Variants in DGKH observed in about 807,000 individuals in gnomAD.
DGKH encodes the protein DAG kinase eta.
A neutral mutation model predicts 159.3 loss-of-function variants in DGKH; 90 were observed. The observed-to-expected ratio is 0.57, with a 90% CI of 0.48 to 0.67. DGKH has a LOEUF of 0.67. DGKH is among the 30% of genes least tolerant of loss of function. The pLI is 0.00. For missense variants in DGKH, 1,181 were observed against 1,506.1 expected (o/e 0.78, Z 3.57); for synonymous variants, 536 against 553.8 (o/e 0.97, Z 0.45).
At chr13:42,137,751 G>A (rs1488525395) in intron 3 of DGKH, among the ~76,000 whole-genome samples, 1 of 152,156 alleles carries the variant, frequency 6.6e-6, no homozygotes, top group Non-Finnish European at 1.5e-5. Context: ...GTTGACTAAA[G>A]AGCTCACAGA....
intron 23 of DGKH, 33 bp from the exon 24 acceptor site, chr13:42,210,569 C>G: frequency 6.3e-7 from 1 of 1,597,350 alleles, no homozygotes; most frequent in Non-Finnish European, 8.5e-7. Flanking sequence ...GAGTTCTAAA[C>G]TAACAATTCG....
In DGKH at chr13:42,141,029, C is replaced by CATTAACTCGTCATT. The variant is rs1555264853; in HGVS notation, c.384+11397_384+11398insATTAACTCGTCATT. The stretch of plus-strand genomic sequence containing the variant: ...ATGTGCCATGTTGGTGTGCTGAACC[C>CATTAACTCGTCATT]TCCTAATGCTATCCCTCCCCCCTCC... On this transcript the variant is annotated intron_variant, in intron 3 of 29. Coordinates refer to ENST00000337343, the MANE Select transcript of DGKH (RefSeq NM_178009.5). 1.2e-3 allele frequency among the ~76,000 whole-genome samples: 62 copies of CATTAACTCGTCATT among 52,130 alleles called. 8 individuals carry two copies. The highest frequency in any genetic ancestry group is 1.6e-3 in the African/African-American group (28 of 17,996). 34.2% of individuals were successfully genotyped at this position (52,130 alleles called of 152,430 possible). A position where few individuals can be genotyped will look rare whatever the true frequency, so the allele number is the denominator to read the frequency against.
intron 3 of DGKH, among the ~76,000 whole-genome samples, chr13:42,134,009 C>A (rs759553975): frequency 2.0e-5 from 3 of 152,252 alleles, no homozygotes; most frequent in East Asian, 1.9e-4. Context: ...TGGCCAAATT[C>A]GACTTCATTT....
At chr13:42,088,717 GAA>G (rs1024965420) in intron 1 of DGKH, among the ~76,000 whole-genome samples, 1 of 152,032 alleles carries the variant, frequency 6.6e-6, no homozygotes, top group Non-Finnish European at 1.5e-5. Flanking sequence ...AAAAAAGAAA[GAA>G]GAGATGAGAC....
chr13:42,189,060 GAAC>G lies in DGKH; in HGVS notation c.1667_1669del (p.Gln556del). ...GTGTTCAGTCCTAAACGAGAAGCTC[GAAC>G]AACTGCTGCAGGCTTTGCACACAGA... On this transcript the variant is annotated inframe_deletion, in exon 15 of 30. Transcript: ENST00000337343. 1 of 1,614,126 alleles carries G rather than the reference GAAC, an allele frequency of 6.2e-7. No individual in the cohort carries two copies. The highest frequency in any genetic ancestry group is 8.5e-7 in the Non-Finnish European group (1 of 1,180,024).
chr13:42,225,551 G>A (rs1232827036), intron 29 of DGKH, among the ~76,000 whole-genome samples: 1 of 152,028 alleles, frequency 6.6e-6, no homozygotes, highest in Non-Finnish European at 1.5e-5. Flanking sequence ...AAGGCAGGTG[G>A]ATCATGAGGT....
At position 42,187,139 on chromosome 13, in the gene DGKH, G is replaced by T; in HGVS notation, c.1629G>T (p.Val543=). Residue 543 remains valine, a synonymous_variant, in exon 14 of 30, where the codon GTG becomes GTT. Coordinates refer to ENST00000337343, the MANE Select transcript of DGKH (RefSeq NM_178009.5). ...AAAATGCCGTTGTAGCTGATGCCGT[G>T]GCCAGTAAAGTAAGAGGGGACTCTT... ...TLENAVVADA[V]ASKCSVLNEK... 6.2e-7 allele frequency: 1 copy of T among 1,613,886 alleles called. No homozygotes were observed. Among genetic ancestry groups the T allele is most frequent in the Non-Finnish European group, 8.5e-7 (1 of 1,179,856 alleles).
downstream of DGKH, among the ~76,000 whole-genome samples, chr13:42,247,794 A>G (rs904290408): frequency 1.1e-4 from 17 of 152,202 alleles, no homozygotes; most frequent in African/African-American, 4.1e-4. Flanking sequence ...TTAAAAAGTA[A>G]AAAAGTTAAA....
At chr13:42,206,975 T>TTTTCTCTC (rs1555275936) in intron 21 of DGKH, among the ~76,000 whole-genome samples, 1 of 82,310 alleles carries the variant, frequency 1.2e-5, no homozygotes, top group African/African-American at 5.0e-5. Flanking sequence ...TACTTTTACT[T>TTTTCTCTC]TTTCTTTCTT....
At chr13:42,081,353 C>T (rs1027566600) in intron 1 of DGKH, among the ~76,000 whole-genome samples, 1 of 152,082 alleles carries the variant, frequency 6.6e-6, no homozygotes, top group Non-Finnish European at 1.5e-5. Flanking sequence ...CCTCAGCCTC[C>T]CAAGTAACTG....
chr13:42,166,799 T>G (rs1368065781), intron 9 of DGKH, 125 bp downstream of exon 9: 1 of 804,786 alleles, frequency 1.2e-6, no homozygotes, highest in Admixed American at 4.1e-5. Context: ...AAAGCTCTAA[T>G]TATAAGTTTT....
In DGKH at chr13:42,214,534, T is replaced by C. The variant is rs1474188306; in HGVS notation, c.3042T>C (p.Cys1014=). The change falls in exon 25 of 30, where the codon TGT becomes TGC. Residue 1014 remains cysteine (C), a synonymous_variant. Transcript: ENST00000337343. ...TRICDAATIH[C]LLEQELAHAV... is the part of the protein sequence containing the mutation. ...TATGTGACGCAGCCACAATTCACTG[T>C]CTTTTGGAGCAAGAACTGGCCCATG... The C allele has an allele frequency of 3.7e-6, 6 of 1,613,508 alleles. No homozygotes were observed. Among genetic ancestry groups the C allele is most frequent in the Non-Finnish European group, 5.1e-6 (6 of 1,179,668 alleles).
At chr13:42,053,187 A>T (rs1310113998) in intron 1 of DGKH, among the ~76,000 whole-genome samples, 1 of 152,000 alleles carries the variant, frequency 6.6e-6, no homozygotes, top group Non-Finnish European at 1.5e-5. Context: ...AACAAACCCA[A>T]AAGAAGACCA....
intron 12 of DGKH, among the ~76,000 whole-genome samples, chr13:42,175,075 C>G (rs1022976205): frequency 6.6e-6 from 1 of 152,106 alleles, no homozygotes; most frequent in Non-Finnish European, 1.5e-5. Flanking sequence ...TCATTAAGAC[C>G]ATTTGATCTA....
chr13:42,255,950 G>C, intron 30 of DGKH: 2 of 1,606,268 alleles, frequency 1.2e-6, no homozygotes, highest in East Asian at 2.2e-5. Flanking sequence ...AGCTCTGGCT[G>C]CTCATGACGC....
intron 1 of DGKH, among the ~76,000 whole-genome samples, chr13:42,102,852 T>C (rs897522930): frequency 1.3e-5 from 2 of 152,218 alleles, no homozygotes; most frequent in Non-Finnish European, 1.5e-5. Context: ...CTGAATGACT[T>C]TAGATGCCTG....
chr13:42,187,812 G>A (rs539869003), intron 14 of DGKH, among the ~76,000 whole-genome samples: 1 of 152,242 alleles, frequency 6.6e-6, no homozygotes, highest in African/African-American at 2.4e-5. Flanking sequence ...ATGGTTCTTT[G>A]GATTTCCTAG....
intron 21 of DGKH, among the ~76,000 whole-genome samples, chr13:42,206,978 T>TCTTTCTTTCTTTCTTC (rs1957492374): frequency 9.9e-6 from 1 of 100,962 alleles, no homozygotes; most frequent in South Asian, 3.5e-4. Flanking sequence ...TTTTACTTTT[T>TCTTTCTTTCTTTCTTC]CTTTCTTTCT....
intron 1 of DGKH, among the ~76,000 whole-genome samples, chr13:42,107,162 T>C (rs1954776302): frequency 6.6e-6 from 1 of 152,260 alleles, no homozygotes; most frequent in Non-Finnish European, 1.5e-5. Context: ...TGAGCTCTGC[T>C]TGAGTGACAT....
Sources: allele counts gnomAD v4.1 joint callset (sites outside exome capture counted in the v4.1 genomes callset), GRCh38; gene constraint gnomAD v4.1.1; transcripts MANE v1.5; gene names NCBI Gene and HGNC (gene_info 2026-07-23, HGNC 2026-07-21).